The following IMMP2L variants were observed in gnomAD, a reference collection of about 807,000 sequenced individuals.
IMMP2L encodes the protein mitochondrial inner membrane protease subunit 2.
In IMMP2L, 18 loss-of-function variants were observed where a neutral mutation model predicts 19.3. That is an observed-to-expected ratio of 0.93 (90% CI 0.64 to 1.38). The LOEUF (loss-of-function observed/expected upper bound fraction) is 1.38. Among genes scored for constraint, IMMP2L ranks in the 40% most tolerant of loss-of-function variants. IMMP2L has a pLI of 0.00. For missense variants in IMMP2L, 233 were observed against 218.2 expected, an observed-to-expected ratio of 1.07 and a Z score of -0.43; for synonymous variants, 76 against 73.0, an observed-to-expected ratio of 1.04 and a Z score of -0.21.
intron 3 of IMMP2L, among the ~76,000 whole-genome samples, chr7:111,480,874 C>A (rs891878617): frequency 2.0e-5 from 3 of 152,120 alleles, no homozygotes; most frequent in Non-Finnish European, 4.4e-5. Context: ...GTGGCCAAAA[C>A]ATGAAATTCC....
chr7:110,912,850 C>A lies in IMMP2L; in HGVS notation c.306-26155G>T, dbSNP rs570364564. 2.6e-5 allele frequency among the ~76,000 whole-genome samples: 4 copies of A among 151,900 alleles called. No individual in the cohort carries two copies. The East Asian group carries it at 7.8e-4, about 30-fold the overall frequency. ...GCTCAGGAACTGATGCCTGAGATAC[C>A]CTCACAACCCACACTATGAGAACTT... On this transcript the variant is annotated intron_variant, in intron 4 of 5. Transcript: ENST00000405709.
intron 5 of IMMP2L, among the ~76,000 whole-genome samples, chr7:110,782,168 G>C (rs1384946330): frequency 6.6e-6 from 1 of 151,750 alleles, no homozygotes; most frequent in Non-Finnish European, 1.5e-5. Context: ...AAATCCAGAT[G>C]TACACATAAA....
At chr7:111,532,285 T>C (rs1051299013) in intron 1 of IMMP2L, among the ~76,000 whole-genome samples, 1 of 152,174 alleles carries the variant, frequency 6.6e-6, no homozygotes, top group Non-Finnish European at 1.5e-5. Flanking sequence ...CACTGCTTCA[T>C]ATTCACTTCT....
intron 3 of IMMP2L, among the ~76,000 whole-genome samples, chr7:111,056,728 G>T (rs530585675): frequency 6.6e-6 from 1 of 152,268 alleles, no homozygotes; most frequent in South Asian, 2.1e-4. Context: ...AATAATGTAA[G>T]CTGGAGAAAA....
At chr7:111,542,901 A>G (rs1333978664) in intron 1 of IMMP2L, among the ~76,000 whole-genome samples, 2 of 152,164 alleles carry the variant, frequency 1.3e-5, no homozygotes, top group South Asian at 2.1e-4. Context: ...TAGAATTTGA[A>G]ATTTCACTGT....
intron 3 of IMMP2L, among the ~76,000 whole-genome samples, chr7:111,277,620 G>A (rs990989649): frequency 4.0e-5 from 6 of 148,966 alleles, no homozygotes; most frequent in African/African-American, 1.5e-4. Context: ...AGATGCAGCA[G>A]AAAAGGGAAC....
chr7:111,343,015 C>T (rs982122433), intron 3 of IMMP2L, among the ~76,000 whole-genome samples: 1 of 152,028 alleles, frequency 6.6e-6, no homozygotes, highest in African/African-American at 2.4e-5. Flanking sequence ...TTATACCACT[C>T]CCTGGTAGTT....
intron 5 of IMMP2L, among the ~76,000 whole-genome samples, chr7:110,685,135 C>A (rs973155437): frequency 3.9e-5 from 6 of 151,958 alleles, no homozygotes; most frequent in African/African-American, 1.2e-4. Context: ...ATAAAAAAAT[C>A]CTGATAGTTC....
At chr7:111,490,732 T>A (rs1174432024) in intron 2 of IMMP2L, among the ~76,000 whole-genome samples, 1 of 152,110 alleles carries the variant, frequency 6.6e-6, no homozygotes, top group Non-Finnish European at 1.5e-5. Flanking sequence ...ACTAGGAAAA[T>A]GGTGATGAAT....
chr7:111,050,312 T>G (rs1367629901), intron 3 of IMMP2L, among the ~76,000 whole-genome samples: 1 of 152,082 alleles, frequency 6.6e-6, no homozygotes, highest in East Asian at 1.9e-4. Flanking sequence ...CTCTCTCACT[T>G]CCCCCTTCTG....
intron 3 of IMMP2L, among the ~76,000 whole-genome samples, chr7:111,045,339 A>T (rs774308297): frequency 2.6e-5 from 4 of 152,162 alleles, no homozygotes; most frequent in Non-Finnish European, 4.4e-5. Context: ...TAATGACACA[A>T]CCCTAGTCCA....
At chr7:111,324,112 G>T (rs1291342748) in intron 3 of IMMP2L, among the ~76,000 whole-genome samples, 2 of 152,088 alleles carry the variant, frequency 1.3e-5, no homozygotes, top group East Asian at 3.9e-4. Flanking sequence ...TGCACATTGT[G>T]CACATATACC....
At chr7:111,417,921 G>C (rs528415355) in intron 3 of IMMP2L, among the ~76,000 whole-genome samples, 1 of 151,896 alleles carries the variant, frequency 6.6e-6, no homozygotes, top group East Asian at 1.9e-4. Flanking sequence ...CTATGTCTGT[G>C]AGTGAAGCTG....
chr7:110,939,750 C>T (rs1198507623), intron 4 of IMMP2L, among the ~76,000 whole-genome samples: 1 of 152,136 alleles, frequency 6.6e-6, no homozygotes, highest in East Asian at 1.9e-4. Flanking sequence ...GTGGGTATCT[C>T]GCTGTATTCA....
intron 3 of IMMP2L, among the ~76,000 whole-genome samples, chr7:111,237,967 A>G (rs779840670): frequency 3.9e-5 from 6 of 152,114 alleles, no homozygotes; most frequent in Admixed American, 2.6e-4. Context: ...AGCACCTAAC[A>G]TAGTATTTGG....
chr7:111,229,840 T>A (rs558182388), intron 3 of IMMP2L, among the ~76,000 whole-genome samples: 1 of 152,160 alleles, frequency 6.6e-6, no homozygotes, highest in African/African-American at 2.4e-5. Flanking sequence ...TGCCCAAATA[T>A]GTGGGAATGT....
intron 3 of IMMP2L, among the ~76,000 whole-genome samples, chr7:110,983,169 T>C (rs1354595514): frequency 2.0e-5 from 3 of 152,068 alleles, no homozygotes; most frequent in African/African-American, 2.4e-5. Context: ...AAAAAGAAGT[T>C]ATTGGCTATT....
intron 3 of IMMP2L, among the ~76,000 whole-genome samples, chr7:111,467,991 T>C (rs1044398500): frequency 6.6e-6 from 1 of 152,136 alleles, no homozygotes; most frequent in African/African-American, 2.4e-5. Flanking sequence ...TAACATCTCA[T>C]CTCATCTCAA....
chr7:111,008,270 TA>T (rs1824524439), intron 3 of IMMP2L, among the ~76,000 whole-genome samples: 2 of 151,990 alleles, frequency 1.3e-5, no homozygotes, highest in African/African-American at 4.8e-5. Flanking sequence ...TTCTATGAGG[TA>T]AAGTCCTACC....
Sources: allele counts gnomAD v4.1 joint callset (sites outside exome capture counted in the v4.1 genomes callset), GRCh38; gene constraint gnomAD v4.1.1; transcripts MANE v1.5; gene names NCBI Gene and HGNC (gene_info 2026-07-23, HGNC 2026-07-21).